The following RNF13 variants were observed in gnomAD, a reference collection of about 807,000 sequenced individuals.
RNF13 encodes E3 ubiquitin-protein ligase RNF13.
In RNF13, 19 loss-of-function variants were observed where a neutral mutation model predicts 37.7. The observed-to-expected ratio is 0.50, with a 90% CI of 0.35 to 0.74. The LOEUF is 0.74. Among genes scored for constraint, RNF13 ranks in the 30% least tolerant of loss-of-function variants. The pLI, the probability that RNF13 is intolerant of heterozygous loss-of-function variation, is 0.01. For synonymous variants in RNF13, 144 were observed against 157.8 expected (o/e 0.91, Z 0.65); for missense variants, 375 against 453.0 (o/e 0.83, Z 1.56).
At chr3:149,818,664 G>A (rs551197525) in intron 1 of RNF13, among the ~76,000 whole-genome samples, 1 of 152,278 alleles carries the variant, frequency 6.6e-6, no homozygotes, top group South Asian at 2.1e-4. Context: ...TGTAATCCCA[G>A]CACTTTGGGA....
At chr3:149,913,788 T>C (rs893495995) in intron 7 of RNF13, among the ~76,000 whole-genome samples, 1 of 152,150 alleles carries the variant, frequency 6.6e-6, no homozygotes, top group Admixed American at 6.5e-5. Flanking sequence ...TATTTGAGGG[T>C]ATATGGTATC....
chr3:149,865,545 A>G (rs1724728378), intron 3 of RNF13, among the ~76,000 whole-genome samples: 1 of 151,974 alleles, frequency 6.6e-6, no homozygotes, highest in Admixed American at 6.6e-5. Context: ...GGCTCACTGC[A>G]GCCTTCCACT....
In RNF13 at chr3:149,840,765, C is replaced by T. The variant is rs1231725260; in HGVS notation, c.-16-5246C>T. Among the ~76,000 whole-genome samples, 4 of 152,158 alleles carry T rather than the reference C, an allele frequency of 2.6e-5. No homozygotes were observed. In the East Asian group the frequency reaches 7.7e-4, roughly 29 times the overall value. ...TAACTGATGGGCTATTATCTGGTAC[C>T]AGGTTCACTAGCTTGGTAGGAGGTA... is the stretch of plus-strand genomic sequence containing the variant. On this transcript the variant is annotated intron_variant, in intron 1 of 9. Coordinates refer to ENST00000392894, the MANE Select transcript of RNF13 (RefSeq NM_183381.3).
intron 4 of RNF13, among the ~76,000 whole-genome samples, chr3:149,889,571 G>A (rs1395465170): frequency 2.6e-5 from 4 of 151,592 alleles, no homozygotes; most frequent in Admixed American, 2.6e-4. Flanking sequence ...CCAAAGTGCT[G>A]GGATTAAAGG....
chr3:149,902,213 A>T, intron 6 of RNF13, 51 bp downstream of exon 6: 2 of 830,748 alleles, frequency 2.4e-6, no homozygotes, highest in Non-Finnish European at 1.9e-6. Context: ...TCTTTATATT[A>T]AGGTAGAATT....
chr3:149,853,455 GGAGAGAGAGAGAGAGAGAGAGAGAGAGA>G (rs397842025), intron 3 of RNF13, among the ~76,000 whole-genome samples: 1 of 117,262 alleles, frequency 8.5e-6, no homozygotes, highest in East Asian at 2.6e-4. Flanking sequence ...AGAGAGAGAG[GGAGAGAGAGAGAGAGAGAGAGAGAGAGA>G]GAGAGAGAGA....
chr3:149,881,179 A>G (rs1713354387), intron 4 of RNF13, among the ~76,000 whole-genome samples: 1 of 152,196 alleles, frequency 6.6e-6, no homozygotes, highest in African/African-American at 2.4e-5. Context: ...CAGGGACACT[A>G]AGAAGTATGC....
chr3:149,911,079 G>A (rs1264901340), intron 6 of RNF13, among the ~76,000 whole-genome samples: 2 of 152,094 alleles, frequency 1.3e-5, no homozygotes, highest in Admixed American at 6.5e-5. Flanking sequence ...GGATATACAG[G>A]AAGCCATAAC....
chr3:149,849,395 A>G (rs972814600), intron 2 of RNF13, among the ~76,000 whole-genome samples: 1 of 152,194 alleles, frequency 6.6e-6, no homozygotes, highest in African/African-American at 2.4e-5. Flanking sequence ...GCTGTGTAGC[A>G]AAGAAACACC....
At chr3:149,937,366 A>AAGGGAT (rs927756702) in intron 8 of RNF13, among the ~76,000 whole-genome samples, 3 of 152,094 alleles carry the variant, frequency 2.0e-5, no homozygotes, top group African/African-American at 7.2e-5. Context: ...CTAATAACTT[A>AAGGGAT]AGGGAGGGGC....
chr3:149,945,884 C>CA (rs1720727828), intron 8 of RNF13, among the ~76,000 whole-genome samples: 1 of 152,166 alleles, frequency 6.6e-6, no homozygotes, highest in Non-Finnish European at 1.5e-5. Flanking sequence ...AATTATCAAA[C>CA]AAAAAGGACA....
At chr3:149,926,026 T>C (rs1718603703) in intron 8 of RNF13, among the ~76,000 whole-genome samples, 1 of 152,230 alleles carries the variant, frequency 6.6e-6, no homozygotes. Context: ...TTTCATGATA[T>C]ATGCCCGTGT....
At chr3:149,854,748 A>G (rs917229631) in intron 3 of RNF13, among the ~76,000 whole-genome samples, 1 of 152,198 alleles carries the variant, frequency 6.6e-6, no homozygotes, top group Non-Finnish European at 1.5e-5. Context: ...CTCTTCTGCC[A>G]TCCAAGCTAA....
At chr3:149,917,955 C>T (rs1717716101) in intron 7 of RNF13, among the ~76,000 whole-genome samples, 1 of 152,174 alleles carries the variant, frequency 6.6e-6, no homozygotes, top group Non-Finnish European at 1.5e-5. Context: ...ATGCAACCAT[C>T]ACCACAATCG....
At chr3:149,958,349 A>G (rs1346127370) in intron 8 of RNF13, among the ~76,000 whole-genome samples, 4 of 152,092 alleles carry the variant, frequency 2.6e-5, no homozygotes, top group Non-Finnish European at 5.9e-5. Context: ...CAATTCCTTG[A>G]CTTGTGACCC....
rs151004143 is a variant in RNF13, at chr3:149,920,073, C to T, written c.607-1061C>T. ...AGTGAAGTATCTTCAAATATTTTGT[C>T]CATTTTCTGTTGGGTAACTTGTTTT... On this transcript the variant is annotated intron_variant, in intron 7 of 9. Coordinates refer to ENST00000392894, the MANE Select transcript of RNF13 (RefSeq NM_183381.3). Among the ~76,000 whole-genome samples, 385 of 152,098 alleles carry T rather than the reference C, an allele frequency of 2.5e-3. 3 individuals carry two copies. The highest frequency in any genetic ancestry group is 8.8e-3 in the African/African-American group (366 of 41,494).
At chr3:149,850,957 A>G (rs1218018606) in intron 2 of RNF13, among the ~76,000 whole-genome samples, 1 of 152,190 alleles carries the variant, frequency 6.6e-6, no homozygotes, top group Non-Finnish European at 1.5e-5. Context: ...ATCACGCTGA[A>G]GCAATTACCA....
intron 6 of RNF13, among the ~76,000 whole-genome samples, chr3:149,905,094 C>T (rs913950116): frequency 2.0e-5 from 3 of 152,090 alleles, no homozygotes; most frequent in African/African-American, 7.2e-5. Flanking sequence ...ATGTTTTTGC[C>T]AGTATACTTT....
intron 8 of RNF13, among the ~76,000 whole-genome samples, chr3:149,933,038 A>G (rs1386771484): frequency 1.3e-5 from 2 of 152,202 alleles, no homozygotes. Context: ...CTGCACACCT[A>G]CAGCCTTAAT....
Sources: allele counts gnomAD v4.1 joint callset (sites outside exome capture counted in the v4.1 genomes callset), GRCh38; gene constraint gnomAD v4.1.1; transcripts MANE v1.5; gene names NCBI Gene and HGNC (gene_info 2026-07-23, HGNC 2026-07-21).